STRN: variants seen among roughly 807,000 people sequenced by gnomAD.
STRN encodes striatin.
STRN carries 53 observed loss-of-function variants against 96.3 expected under a neutral mutation model. That is an observed-to-expected ratio of 0.55 (90% CI 0.44 to 0.69). The LOEUF is 0.69. Among genes scored for constraint, STRN ranks in the 30% least tolerant of loss-of-function variants. The pLI is 0.00. For synonymous variants in STRN, 428 were observed against 355.9 expected (o/e 1.20, Z -2.28); for missense variants, 987 against 963.9 (o/e 1.02, Z -0.32).
At chr2:36,916,627 T>C (rs1185421846) in intron 2 of STRN, among the ~76,000 whole-genome samples, 1 of 152,130 alleles carries the variant, frequency 6.6e-6, no homozygotes, top group Non-Finnish European at 1.5e-5. Flanking sequence ...ATTTGCCAAA[T>C]ATGCATTATA....
chr2:36,857,432 C>T (rs1364846652), intron 14 of STRN, among the ~76,000 whole-genome samples: 3 of 151,754 alleles, frequency 2.0e-5, no homozygotes, highest in African/African-American at 7.3e-5. Flanking sequence ...CCCAGCACTT[C>T]GGGAGGCTGA....
chr2:36,883,019 G>T (rs926802067), intron 9 of STRN, among the ~76,000 whole-genome samples: 1 of 152,012 alleles, frequency 6.6e-6, no homozygotes, highest in Non-Finnish European at 1.5e-5. Context: ...TTCATATCAA[G>T]TCTACAATAT....
chr2:36,837,935 G>C lies in STRN; in HGVS notation c.*11521C>G, dbSNP rs950795936. On this transcript the variant is annotated 3_prime_UTR_variant, in exon 18 of 18. Coordinates refer to ENST00000263918, the MANE Select transcript of STRN (RefSeq NM_003162.4). ...TATAAAAGTATAACTACGAATATTT[G>C]TGGTAGGCAGAATTCTAAGATGGCC... Among the ~76,000 whole-genome samples, 1 of 152,196 alleles carries C rather than the reference G, an allele frequency of 6.6e-6. No homozygotes were observed. Among genetic ancestry groups the C allele is most frequent in the South Asian group, 2.1e-4 (1 of 4,830 alleles).
chr2:36,922,682 A>C (rs1039600312), intron 2 of STRN, among the ~76,000 whole-genome samples: 7 of 152,130 alleles, frequency 4.6e-5, no homozygotes, highest in Non-Finnish European at 7.4e-5. Context: ...CCTACTCTCC[A>C]CACACAAAGA....
intron 1 of STRN, among the ~76,000 whole-genome samples, chr2:36,930,616 T>A (rs1670547651): frequency 1.3e-5 from 2 of 152,086 alleles, no homozygotes; most frequent in African/African-American, 4.8e-5. Context: ...GCTGCTGATC[T>A]GGGACCAACC....
chr2:36,900,121 C>G (rs1280235741), intron 5 of STRN, among the ~76,000 whole-genome samples: 1 of 151,998 alleles, frequency 6.6e-6, no homozygotes, highest in Non-Finnish European at 1.5e-5. Flanking sequence ...ATTCCTGAGC[C>G]CAAGTGATTC....
chr2:36,922,283 C>T (rs1211148949), intron 2 of STRN, among the ~76,000 whole-genome samples: 2 of 152,008 alleles, frequency 1.3e-5, no homozygotes, highest in Admixed American at 1.3e-4. Flanking sequence ...CTTTAAGAGG[C>T]TACAGCAGGA....
At chr2:36,878,106 C>T in intron 9 of STRN, 79 bp from the exon 10 acceptor site, 1 of 1,503,474 alleles carries the variant, frequency 6.7e-7, no homozygotes, top group Non-Finnish European at 9.1e-7. Context: ...CATCAAATTT[C>T]TTATAAGTGC....
chr2:36,930,638 C>A (rs1481097077), intron 1 of STRN, among the ~76,000 whole-genome samples: 5 of 152,056 alleles, frequency 3.3e-5, no homozygotes, highest in African/African-American at 1.2e-4. Context: ...TGGAGAACCA[C>A]TGACTTAAAC....
intron 7 of STRN, among the ~76,000 whole-genome samples, chr2:36,888,579 A>G (rs913595546): frequency 9.3e-5 from 14 of 150,598 alleles, no homozygotes; most frequent in Non-Finnish European, 1.8e-4. Flanking sequence ...CTTTTACTCA[A>G]TTGTTATCTT....
At chr2:36,935,376 T>C (rs912176096) in intron 1 of STRN, among the ~76,000 whole-genome samples, 2 of 152,248 alleles carry the variant, frequency 1.3e-5, no homozygotes, top group Non-Finnish European at 2.9e-5. Flanking sequence ...CTTATATTAA[T>C]GTTCAGCAAA....
chr2:36,932,448 C>T (rs1188837874), intron 1 of STRN, among the ~76,000 whole-genome samples: 1 of 152,162 alleles, frequency 6.6e-6, no homozygotes, highest in East Asian at 1.9e-4. Context: ...AGCCACCGCA[C>T]CCGGCCTAGT....
chr2:36,916,291 A>G, intron 2 of STRN, 140 bp from the exon 3 acceptor site: 1 of 691,104 alleles, frequency 1.4e-6, no homozygotes, highest in Non-Finnish European at 2.4e-6. Flanking sequence ...CCATGGTGTC[A>G]AAGTTATAAT....
intron 2 of STRN, among the ~76,000 whole-genome samples, chr2:36,920,237 C>T (rs1670216576): frequency 1.3e-5 from 2 of 151,966 alleles, no homozygotes. Context: ...TTTTAAAATT[C>T]AATTTAAAAT....
chr2:36,893,247 T>C (rs1396430449), intron 7 of STRN, among the ~76,000 whole-genome samples: 1 of 152,138 alleles, frequency 6.6e-6, no homozygotes, highest in Non-Finnish European at 1.5e-5. Flanking sequence ...TTATATATGT[T>C]ACAGACAATT....
At chr2:36,940,659 C>T (rs1297186552) in intron 1 of STRN, among the ~76,000 whole-genome samples, 3 of 151,410 alleles carry the variant, frequency 2.0e-5, no homozygotes, top group South Asian at 4.2e-4. Flanking sequence ...AACCCCATCT[C>T]TACTAAAAAT....
At chr2:36,923,445 C>CA (rs1200328345) in intron 2 of STRN, among the ~76,000 whole-genome samples, 4,995 of 57,970 alleles carry the variant, frequency 0.086, 162 homozygotes, top group East Asian at 0.23. Flanking sequence ...AGCAGGACTC[C>CA]AAAAAAAAAA....
intron 4 of STRN, 169 bp from the exon 5 acceptor site, chr2:36,902,920 G>T: frequency 2.3e-6 from 1 of 433,118 alleles, no homozygotes; most frequent in Non-Finnish European, 3.9e-6. Flanking sequence ...AGATGGAGCT[G>T]TCTCTTGCAG....
chr2:36,893,766 G>C, intron 7 of STRN, 132 bp downstream of exon 7: 3 of 1,043,350 alleles, frequency 2.9e-6, no homozygotes, highest in Non-Finnish European at 1.3e-6. Context: ...CCTGGATAAA[G>C]GGTGCTAGTA....
Sources: allele counts gnomAD v4.1 joint callset (sites outside exome capture counted in the v4.1 genomes callset), GRCh38; gene constraint gnomAD v4.1.1; transcripts MANE v1.5; gene names NCBI Gene and HGNC (gene_info 2026-07-23, HGNC 2026-07-21).